DNER: variants seen among roughly 807,000 people sequenced by gnomAD.
DNER encodes delta and Notch-like epidermal growth factor-related receptor.
A neutral mutation model predicts 78.2 loss-of-function variants in DNER; 33 were observed. The ratio of observed to expected loss-of-function variants is 0.42; its 90% CI spans 0.32 to 0.56. DNER has a LOEUF of 0.56. Among genes scored for constraint, DNER ranks in the 20% least tolerant of loss-of-function variants. The pLI is 0.11. For missense variants in DNER, 918 were observed against 975.3 expected (o/e 0.94, Z 0.78); for synonymous variants, 417 against 384.8 (o/e 1.08, Z -0.98).
intron 10 of DNER, 124 bp downstream of exon 10, chr2:229,407,108 T>C: frequency 1.2e-6 from 1 of 836,400 alleles, no homozygotes; most frequent in East Asian, 2.5e-5. Flanking sequence ...CATGCCTCCT[T>C]ACATTTTGTA....
intron 11 of DNER, among the ~76,000 whole-genome samples, chr2:229,378,153 T>A (rs956831835): frequency 1.3e-5 from 2 of 152,152 alleles, no homozygotes; most frequent in African/African-American, 4.8e-5. Context: ...AGACAAGTTC[T>A]CCCCTAGAGC....
chr2:229,488,542 T>A (rs1004606615), intron 6 of DNER, among the ~76,000 whole-genome samples: 66 of 152,244 alleles, frequency 4.3e-4, no homozygotes, highest in African/African-American at 1.3e-3. Flanking sequence ...ATCATTCCAT[T>A]TTATAGATAA....
chr2:229,579,275 G>A (rs887507472), intron 4 of DNER, among the ~76,000 whole-genome samples: 1 of 152,068 alleles, frequency 6.6e-6, no homozygotes, highest in Non-Finnish European at 1.5e-5. Flanking sequence ...CTAAGCTTTT[G>A]TTGCCCCATT....
chr2:229,535,074 G>C (rs1696376912), intron 5 of DNER, among the ~76,000 whole-genome samples: 2 of 152,160 alleles, frequency 1.3e-5, no homozygotes, highest in Non-Finnish European at 2.9e-5. Flanking sequence ...GACCTCAGGT[G>C]ATCGGCCTGC....
At chr2:229,480,536 A>C (rs1043190869) in intron 6 of DNER, among the ~76,000 whole-genome samples, 4 of 152,216 alleles carry the variant, frequency 2.6e-5, no homozygotes, top group African/African-American at 9.6e-5. Context: ...GATCTAATAA[A>C]TTATAAGTGA....
intron 5 of DNER, among the ~76,000 whole-genome samples, chr2:229,516,985 C>A (rs893992821): frequency 7.3e-5 from 11 of 150,816 alleles, no homozygotes; most frequent in Non-Finnish European, 1.5e-4. Flanking sequence ...GTGGCACGTG[C>A]CTGTAGTCCC....
intron 7 of DNER, among the ~76,000 whole-genome samples, chr2:229,460,022 T>TG (rs1343639297): frequency 2.6e-5 from 4 of 151,332 alleles, no homozygotes; most frequent in South Asian, 4.2e-4. Context: ...CTGGGCGTGG[T>TG]GGGGGGTGCC....
intron 7 of DNER, among the ~76,000 whole-genome samples, chr2:229,450,891 C>T (rs1694440499): frequency 6.6e-6 from 1 of 152,208 alleles, no homozygotes; most frequent in African/African-American, 2.4e-5. Context: ...TTGGTCACAG[C>T]AGCCTGAGAA....
chr2:229,515,479 C>A (rs541125764), intron 5 of DNER, among the ~76,000 whole-genome samples: 1 of 152,218 alleles, frequency 6.6e-6, no homozygotes, highest in South Asian at 2.1e-4. Context: ...CTAAAATTTA[C>A]TTGGTTTGTA....
intron 1 of DNER, among the ~76,000 whole-genome samples, chr2:229,688,631 AG>A (rs1401240226): frequency 3.3e-5 from 5 of 152,336 alleles, no homozygotes; most frequent in South Asian, 2.1e-4. Flanking sequence ...GACCTTTAAA[AG>A]CACATATGAA....
chr2:229,417,566 C>A (rs1238307531), intron 9 of DNER, among the ~76,000 whole-genome samples: 1 of 151,850 alleles, frequency 6.6e-6, no homozygotes, highest in African/African-American at 2.4e-5. Context: ...GCATTACTGT[C>A]CACCTCATAG....
intron 4 of DNER, among the ~76,000 whole-genome samples, chr2:229,556,743 T>C (rs1478243218): frequency 6.6e-6 from 1 of 152,204 alleles, no homozygotes; most frequent in Non-Finnish European, 1.5e-5. Context: ...TGTATTTTGG[T>C]CCTAAAATCT....
intron 1 of DNER, among the ~76,000 whole-genome samples, chr2:229,599,911 G>T (rs1697795913): frequency 6.6e-6 from 1 of 152,142 alleles, no homozygotes; most frequent in South Asian, 2.1e-4. Flanking sequence ...TGGAAAGGAG[G>T]GAGGGAGGAA....
At chr2:229,513,987 C>G (rs1224353288) in intron 5 of DNER, among the ~76,000 whole-genome samples, 1 of 151,990 alleles carries the variant, frequency 6.6e-6, no homozygotes, top group African/African-American at 2.4e-5. Context: ...CCCAGTACCC[C>G]CCATAAGTAC....
At chr2:229,616,863 T>C (rs1188777032) in intron 1 of DNER, among the ~76,000 whole-genome samples, 5 of 152,226 alleles carry the variant, frequency 3.3e-5, no homozygotes, top group African/African-American at 1.2e-4. Flanking sequence ...ACGTGGCTTG[T>C]CCTGGTCTCT....
intron 6 of DNER, among the ~76,000 whole-genome samples, chr2:229,496,850 T>C (rs1287360804): frequency 2.6e-5 from 4 of 152,118 alleles, no homozygotes; most frequent in Non-Finnish European, 5.9e-5. Flanking sequence ...TGCAATACAA[T>C]AGCAGGGGAC....
At chr2:229,371,736 C>A (rs929590633) in intron 11 of DNER, among the ~76,000 whole-genome samples, 1 of 152,148 alleles carries the variant, frequency 6.6e-6, no homozygotes, top group East Asian at 1.9e-4. Flanking sequence ...AAATACATAG[C>A]CCATATCTAT....
intron 5 of DNER, among the ~76,000 whole-genome samples, chr2:229,518,636 C>A (rs1696031781): frequency 6.6e-6 from 1 of 152,198 alleles, no homozygotes; most frequent in African/African-American, 2.4e-5. Context: ...TCGAGTCCAA[C>A]CATCAGAAAA....
chr2:229,700,645 TG>T (rs1699731159), intron 1 of DNER, among the ~76,000 whole-genome samples: 1 of 151,956 alleles, frequency 6.6e-6, no homozygotes, highest in Non-Finnish European at 1.5e-5. Context: ...CCAGGCACGG[TG>T]GCTCATGCCT....
Sources: gnomAD v4.1 joint callset for allele counts (sites outside exome capture counted in the v4.1 genomes callset) on GRCh38, gnomAD v4.1.1 for gene constraint, MANE v1.5 for transcripts, NCBI Gene and HGNC (gene_info 2026-07-23, HGNC 2026-07-21) for gene names.